The following ANKFN1 variants were observed in gnomAD, a reference collection of about 807,000 sequenced individuals.
ANKFN1 encodes the protein ankyrin repeat and fibronectin type-III domain-containing protein 1.
Under a neutral mutation model 108.7 loss-of-function variants are expected in ANKFN1, and 74 were observed. The observed-to-expected ratio is 0.68, with a 90% CI of 0.56 to 0.83. The LOEUF is 0.83. Ranked by LOEUF, ANKFN1 falls within the 40% of genes least tolerant of loss-of-function variation. The probability of loss-of-function intolerance (pLI) is 0.00; values close to 1 mark genes in which losing one functional copy is unlikely to be tolerated. For synonymous variants in ANKFN1, 547 were observed against 516.2 expected (o/e 1.06, Z -0.81); for missense variants, 1,505 against 1,382.3 (o/e 1.09, Z -1.41).
chr17:56,087,765 T>A (rs1048055009), intron 4 of ANKFN1, among the ~76,000 whole-genome samples: 1 of 151,354 alleles, frequency 6.6e-6, no homozygotes, highest in African/African-American at 2.4e-5. Flanking sequence ...TTATTGGAAC[T>A]TTATTAAGTG....
At chr17:56,410,061 G>A (rs887475360) in intron 8 of ANKFN1, among the ~76,000 whole-genome samples, 2 of 152,070 alleles carry the variant, frequency 1.3e-5, no homozygotes, top group East Asian at 1.9e-4. Flanking sequence ...AAATGACAGA[G>A]TTTTCATTTT....
intron 3 of ANKFN1, among the ~76,000 whole-genome samples, chr17:56,315,139 G>T (rs1328076442): frequency 6.6e-6 from 1 of 152,122 alleles, no homozygotes; most frequent in Non-Finnish European, 1.5e-5. Context: ...ATGCCACATT[G>T]CAGTAAGTTA....
At chr17:56,486,420 T>C (rs1363974907) in intron 18 of ANKFN1, among the ~76,000 whole-genome samples, 1 of 152,172 alleles carries the variant, frequency 6.6e-6, no homozygotes, top group Non-Finnish European at 1.5e-5. Context: ...CCAGCAACAA[T>C]TTCAAAAACA....
rs1907766043 is a variant in ANKFN1, at chr17:56,139,045, TC to T, written c.289-88871del. Among the ~76,000 whole-genome samples the T allele has an allele frequency of 2.0e-5, 3 of 152,210 alleles. No homozygotes were observed. In the South Asian group the frequency reaches 6.2e-4, roughly 31 times the overall value. ...GATGATACAATGAATGGGAGAGTTC[TC>T]AAAAGGCTAGTGATCAGAAGCTATC... is the stretch of plus-strand genomic sequence containing the variant. On this transcript the variant is annotated intron_variant, in intron 4 of 12. Transcript: ENST00000635860.
intron 4 of ANKFN1, among the ~76,000 whole-genome samples, chr17:56,115,994 CT>C (rs1243643652): frequency 6.6e-6 from 1 of 152,134 alleles, no homozygotes; most frequent in Non-Finnish European, 1.5e-5. Flanking sequence ...TATGCATTAA[CT>C]TTTTTGTGCA....
intron 1 of ANKFN1, among the ~76,000 whole-genome samples, chr17:56,204,802 G>A (rs1032883283): frequency 3.9e-5 from 6 of 152,070 alleles, no homozygotes; most frequent in East Asian, 2.0e-4. Context: ...CTGGCTGGGC[G>A]CGGTGGCTCA....
At chr17:56,139,438 T>G (rs567244284) in intron 4 of ANKFN1, among the ~76,000 whole-genome samples, 1 of 152,304 alleles carries the variant, frequency 6.6e-6, no homozygotes, top group Admixed American at 6.5e-5. Context: ...GGAAATGTTG[T>G]GCCATTAGAA....
intron 1 of ANKFN1, among the ~76,000 whole-genome samples, chr17:56,188,950 A>C (rs1161005286): frequency 8.6e-5 from 13 of 151,864 alleles, no homozygotes; most frequent in Admixed American, 7.9e-4. Flanking sequence ...GAGTTAATCA[A>C]TCCTGCCTAT....
chr17:56,247,752 CCTT>C (rs1447348729), intron 3 of ANKFN1, among the ~76,000 whole-genome samples: 2 of 152,160 alleles, frequency 1.3e-5, no homozygotes, highest in South Asian at 2.1e-4. Flanking sequence ...TGACTTGCCT[CCTT>C]CTTAAGATTG....
At chr17:56,126,744 C>T (rs1319118230) in intron 4 of ANKFN1, among the ~76,000 whole-genome samples, 2 of 152,210 alleles carry the variant, frequency 1.3e-5, no homozygotes, top group Admixed American at 1.3e-4. Context: ...CTCCCAAGCC[C>T]AATCAATAAT....
At chr17:56,313,582 C>G (rs566481223) in intron 3 of ANKFN1, among the ~76,000 whole-genome samples, 47 of 152,310 alleles carry the variant, frequency 3.1e-4, no homozygotes, top group African/African-American at 1.1e-3. Flanking sequence ...AGCCTGGGTT[C>G]ACATCCTGGG....
At chr17:56,148,630 G>A (rs1908409335), upstream of ANKFN1, among the ~76,000 whole-genome samples, 2 of 149,906 alleles carry the variant, frequency 1.3e-5, no homozygotes, top group Non-Finnish European at 1.5e-5. Flanking sequence ...CAGCTAAAAT[G>A]TTTAGGAGGA....
intron 8 of ANKFN1, among the ~76,000 whole-genome samples, chr17:56,418,018 A>G (rs1254400473): frequency 6.6e-6 from 1 of 152,160 alleles, no homozygotes; most frequent in African/African-American, 2.4e-5. Context: ...AATTTCTTTC[A>G]ACTTTTATTT....
chr17:56,447,484 A>G (rs960861855), intron 10 of ANKFN1, among the ~76,000 whole-genome samples: 3 of 152,236 alleles, frequency 2.0e-5, no homozygotes, highest in Non-Finnish European at 4.4e-5. Context: ...ATTGAGGGTC[A>G]GGAGATATTA....
chr17:56,135,563 A>T (rs1330205393), intron 4 of ANKFN1, among the ~76,000 whole-genome samples: 2 of 152,186 alleles, frequency 1.3e-5, no homozygotes, highest in Non-Finnish European at 2.9e-5. Flanking sequence ...CACTTTTAAG[A>T]GAAAATGAAT....
At chr17:56,151,337 A>G (rs2143440085), upstream of ANKFN1, among the ~76,000 whole-genome samples, 1 of 152,356 alleles carries the variant, frequency 6.6e-6, no homozygotes, top group East Asian at 1.9e-4. Flanking sequence ...TGAAGAAAAT[A>G]AGAAGGGAAT....
chr17:56,344,423 T>C (rs954489779), intron 4 of ANKFN1, among the ~76,000 whole-genome samples: 1 of 152,004 alleles, frequency 6.6e-6, no homozygotes, highest in Non-Finnish European at 1.5e-5. Context: ...ACACCTTCAA[T>C]ACTCAGCCAG....
intron 8 of ANKFN1, among the ~76,000 whole-genome samples, chr17:56,408,692 G>C (rs2047995678): frequency 6.6e-6 from 1 of 152,162 alleles, no homozygotes. Context: ...CTAAAAAAGA[G>C]AGAAAGAAGT....
chr17:56,439,676 A>C (rs2049036590), intron 8 of ANKFN1, among the ~76,000 whole-genome samples: 1 of 152,124 alleles, frequency 6.6e-6, no homozygotes, highest in African/African-American at 2.4e-5. Context: ...AGGGGAAGAG[A>C]ATGTTTTCAG....
Sources: allele counts gnomAD v4.1 joint callset (sites outside exome capture counted in the v4.1 genomes callset), GRCh38; gene constraint gnomAD v4.1.1; transcripts MANE v1.5; gene names NCBI Gene and HGNC (gene_info 2026-07-23, HGNC 2026-07-21).